Variants in RASA2 observed in about 807,000 individuals in gnomAD.
The protein encoded by RASA2 is ras GTPase-activating protein 2.
In RASA2, 155 loss-of-function variants were observed where a neutral mutation model predicts 118.2. That is an observed-to-expected ratio of 1.31 (90% confidence interval 1.15 to 1.50). The LOEUF (loss-of-function observed/expected upper bound fraction) is 1.50, where lower values mean the gene tolerates loss of function less well. RASA2 is among the 40% of genes most tolerant of loss of function. The pLI, the probability that RASA2 is intolerant of heterozygous loss-of-function variation, is 0.00. For synonymous variants in RASA2, 353 were observed against 349.1 expected, an observed-to-expected ratio of 1.01 and a Z score of -0.12; for missense variants, 1,016 against 1,009.6, an observed-to-expected ratio of 1.01 and a Z score of -0.09.
intron 3 of RASA2, among the ~76,000 whole-genome samples, chr3:141,519,046 G>A (rs2151086339): frequency 6.6e-6 from 1 of 152,122 alleles, no homozygotes; most frequent in African/African-American, 2.4e-5. Flanking sequence ...ATGTCCTTTG[G>A]CATAAATTTT....
chr3:141,593,984 A>G (rs1286036984), intron 19 of RASA2, among the ~76,000 whole-genome samples: 3 of 152,202 alleles, frequency 2.0e-5, no homozygotes, highest in East Asian at 3.8e-4. Flanking sequence ...AGACCCCTAG[A>G]TGATCTACAT....
Position 141,487,177 on chromosome 3 carries a change from C to A in RASA2, c.94C>A (p.Arg32Ser). 1 of 1,465,160 alleles carries A rather than the reference C, an allele frequency of 6.8e-7. No individual in the cohort carries two copies. Among genetic ancestry groups the A allele is most frequent in the Non-Finnish European group, 9.1e-7 (1 of 1,099,186 alleles). The allele number at this position is 1,465,160 out of a possible 1,614,324, so 90.8% of individuals were successfully genotyped here. ...GCCCGAGGCCGGGGACCAGGACAGT[C>A]GCGAGGTTCGAGTGTTGCAGAGCCT... ...AEPEAGDQDS[R>S]EVRVLQSLRG... is the part of the protein sequence containing the mutation. Residue 32 changes from arginine to serine, a missense_variant, in exon 1 of 24, where the codon CGC (arginine) becomes AGC (serine). By Grantham distance (110) the Arg-to-Ser change is moderately radical (BLOSUM62 -1). Coordinates refer to ENST00000286364, the MANE Select transcript of RASA2 (RefSeq NM_006506.5).
intron 9 of RASA2, among the ~76,000 whole-genome samples, chr3:141,566,218 G>A (rs80255756): frequency 0.06 from 9,207 of 152,292 alleles, 330 homozygotes; most frequent in Middle Eastern, 0.088. Flanking sequence ...GCTCTAAGCC[G>A]TGATCATCAG....
rs1386330816 is a variant in RASA2, at chr3:141,526,284, CT to C, written c.356-3423del. On this transcript the variant is annotated intron_variant, in intron 3 of 23. Coordinates refer to ENST00000286364, the MANE Select transcript of RASA2 (RefSeq NM_006506.5). ...ACTGTGTCGGGCTGCCTACCTTTTA[CT>C]GTTAATGCCTGCCAGTTTAGTGATT... 1.6e-4 allele frequency among the ~76,000 whole-genome samples: 24 copies of C among 152,204 alleles called. 1 individual carries two copies. Among genetic ancestry groups the C allele is most frequent in the Admixed American group, 1.5e-3 (23 of 15,300 alleles).
Position 141,572,795 on chromosome 3 carries a change from G to A in RASA2, c.1284+72G>A, listed in dbSNP as rs2082945645. On this transcript the variant is annotated intron_variant, in intron 12 of 23. Coordinates refer to ENST00000286364, the MANE Select transcript of RASA2 (RefSeq NM_006506.5). ...TTGTTCTTTTATCAAGTGATCTATT[G>A]ATGGGAAGGATTTATTCATTCATGT... The A allele has an allele frequency of 4.3e-6, 5 of 1,150,278 alleles. No individual in the cohort carries two copies. The South Asian group carries it at 7.5e-5, about 17-fold the overall frequency. The allele number at this position is 1,150,278 out of a possible 1,614,324, so 71.3% of individuals were successfully genotyped here.
At chr3:141,542,078 TC>T (rs111315895) in intron 5 of RASA2, among the ~76,000 whole-genome samples, 2 of 151,292 alleles carry the variant, frequency 1.3e-5, no homozygotes, top group Non-Finnish European at 2.9e-5. Context: ...TTAAGTTTTT[TC>T]CCCCATCCTT....
At chr3:141,550,788 C>T (rs1005666837) in intron 5 of RASA2, among the ~76,000 whole-genome samples, 1 of 152,108 alleles carries the variant, frequency 6.6e-6, no homozygotes, top group African/African-American at 2.4e-5. Context: ...AACCGGGAGG[C>T]GGAGCTTGCG....
intron 2 of RASA2, among the ~76,000 whole-genome samples, chr3:141,514,271 A>G (rs986237063): frequency 2.6e-5 from 4 of 152,200 alleles, no homozygotes; most frequent in African/African-American, 9.6e-5. Flanking sequence ...TATTTCAGAA[A>G]AGATATGGCC....
intron 3 of RASA2, among the ~76,000 whole-genome samples, chr3:141,520,903 G>A (rs753429325): frequency 1.3e-5 from 2 of 152,072 alleles, no homozygotes; most frequent in Non-Finnish European, 2.9e-5. Flanking sequence ...TACAGATGAG[G>A]GAATGTACTT....
At chr3:141,610,395 ATT>A (rs2107804131) in intron 23 of RASA2, among the ~76,000 whole-genome samples, 1 of 112,876 alleles carries the variant, frequency 8.9e-6, no homozygotes, top group African/African-American at 3.3e-5. Flanking sequence ...ATATATTTAT[ATT>A]TATATATTAT....
intron 2 of RASA2, among the ~76,000 whole-genome samples, chr3:141,513,198 T>G (rs938314987): frequency 2.5e-5 from 2 of 79,270 alleles, no homozygotes; most frequent in Non-Finnish European, 6.7e-5. Context: ...TAGGGATCTG[T>G]TTTTTTTTTT....
rs772000742 is a variant in RASA2 at position 141,586,601 on chromosome 3, CTT to C, written c.1827-42_1827-41del. ...AGGATACTTCTTTGTTTTGGATTAA[CTT>C]TTAATTTTTATAGCTAAATGTTTAC... On this transcript the variant is annotated intron_variant, in intron 18 of 23. Transcript: ENST00000286364. 1.3e-5 allele frequency: 18 copies of C among 1,366,474 alleles called. No homozygotes were observed. The South Asian group carries it at 1.4e-4, about 11-fold the overall frequency. 84.6% of individuals were successfully genotyped at this position (1,366,474 alleles called of 1,614,324 possible).
intron 4 of RASA2, among the ~76,000 whole-genome samples, chr3:141,538,018 A>C (rs1263983881): frequency 1.3e-5 from 2 of 152,076 alleles, no homozygotes; most frequent in African/African-American, 2.4e-5. Flanking sequence ...GGCCAGAACT[A>C]CATCATATGG....
chr3:141,610,109 G>A (rs755212293), intron 23 of RASA2, 43 bp downstream of exon 23: 1 of 1,467,734 alleles, frequency 6.8e-7, no homozygotes, highest in East Asian at 2.4e-5. Context: ...TTTAAACGGA[G>A]TTTGAGATTG....
chr3:141,597,743 G>T (rs1030468805), intron 19 of RASA2, among the ~76,000 whole-genome samples: 1 of 151,920 alleles, frequency 6.6e-6, no homozygotes, highest in Non-Finnish European at 1.5e-5. Flanking sequence ...AAAGATGAGA[G>T]TACAATCAGT....
In RASA2 at chr3:141,487,061, T is replaced by TGCGGCACGGGCCGG. The variant is rs1318970948; in HGVS notation, c.-15_-2dup. ...CGCCCGGCTACGCAGGCGGCAGGGC[T>TGCGGCACGGGCCGG]GCGGCACGGGCCGGGCGGCACCATG... On this transcript the variant is annotated 5_prime_UTR_variant, in exon 1 of 24. Coordinates refer to ENST00000286364, the MANE Select transcript of RASA2 (RefSeq NM_006506.5). 2.0e-5 allele frequency: 25 copies of TGCGGCACGGGCCGG among 1,245,722 alleles called. No individual in the cohort carries two copies. The highest frequency in any genetic ancestry group is 2.4e-5 in the Non-Finnish European group (24 of 989,120). The allele number at this position is 1,245,722 out of a possible 1,614,324, so 77.2% of individuals were successfully genotyped here. A position where few individuals can be genotyped will look rare whatever the true frequency, so the allele number is the denominator to read the frequency against.
chr3:141,605,638 C>A (rs1265674137), intron 19 of RASA2, among the ~76,000 whole-genome samples: 10 of 151,684 alleles, frequency 6.6e-5, no homozygotes, highest in Admixed American at 6.6e-4. Flanking sequence ...TAAATTAGTA[C>A]CCAAAGACAT....
At chr3:141,560,045 C>G (rs781571959) in intron 9 of RASA2, 50 bp downstream of exon 9, 8 of 1,425,900 alleles carry the variant, frequency 5.6e-6, no homozygotes, top group Non-Finnish European at 5.9e-6. Flanking sequence ...CTCTTTAGTA[C>G]AGTATATATA....
At chr3:141,601,300 G>A (rs1305341846) in intron 19 of RASA2, among the ~76,000 whole-genome samples, 1 of 151,998 alleles carries the variant, frequency 6.6e-6, no homozygotes, top group Admixed American at 6.6e-5. Context: ...GGTGGCCCAC[G>A]GCTGTAATCC....
Sources: gnomAD v4.1 joint callset for allele counts (sites outside exome capture counted in the v4.1 genomes callset) on GRCh38, gnomAD v4.1.1 for gene constraint, MANE v1.5 for transcripts, NCBI Gene and HGNC (gene_info 2026-07-23, HGNC 2026-07-21) for gene names.